The following LGR5 variants were observed in gnomAD, a reference collection of about 807,000 sequenced individuals.
The protein encoded by LGR5 is leucine rich repeat containing G protein-coupled receptor 5, also known as leucine-rich repeat-containing G protein-coupled receptor 5.
LGR5 carries 54 observed loss-of-function variants against 76.7 expected under a neutral mutation model. The ratio of observed to expected loss-of-function variants is 0.70; its 90% CI spans 0.57 to 0.88. LGR5 has a LOEUF of 0.88. Among genes scored for constraint, LGR5 ranks in the 40% least tolerant of loss-of-function variants. The pLI is 0.00. For missense variants in LGR5, 1,078 were observed against 1,073.3 expected (o/e 1.00, Z -0.06); for synonymous variants, 406 against 421.9 (o/e 0.96, Z 0.46).
At chr12:71,583,460 C>A in intron 17 of LGR5, 187 bp from the exon 18 acceptor site, 1 of 642,860 alleles carries the variant, frequency 1.6e-6, no homozygotes, top group Non-Finnish European at 2.7e-6. Context: ...CTCACCCAGC[C>A]AGTGCTGCAG....
chr12:71,584,907 T>C lies in LGR5; in HGVS notation c.*173T>C. 3 of 631,310 alleles carry C rather than the reference T, an allele frequency of 4.8e-6. No individual in the cohort carries two copies. Among genetic ancestry groups the C allele is most frequent in the Non-Finnish European group, 8.2e-6 (3 of 367,462 alleles). The allele number at this position is 631,310 out of a possible 1,614,324, so 39.1% of individuals were successfully genotyped here. A position where few individuals can be genotyped will look rare whatever the true frequency, so the allele number is the denominator to read the frequency against. On this transcript the variant is annotated 3_prime_UTR_variant, in exon 18 of 18. Coordinates refer to ENST00000266674, the MANE Select transcript of LGR5 (RefSeq NM_003667.4). ...AAACCTCTTGATACTTGAGAGTGAA[T>C]ATAAGTCTAAATGCTGCTTTGTATA... is the stretch of plus-strand genomic sequence containing the variant.
chr12:71,584,644 T>C lies in LGR5; in HGVS notation c.2634T>C (p.Tyr878=), dbSNP rs2137488031. The change falls in exon 18 of 18, where the codon TAT becomes TAC. Residue 878 remains tyrosine, a synonymous_variant. Coordinates refer to ENST00000266674, the MANE Select transcript of LGR5 (RefSeq NM_003667.4). ...LVTFTSSSIT[Y]DLPPSSVPSP... ...CCTTTACCAGCTCCAGCATCACTTA[T>C]GACCTGCCTCCCAGTTCCGTGCCAT... The C allele has an allele frequency of 6.2e-7, 1 of 1,614,222 alleles. No individual in the cohort carries two copies. Among genetic ancestry groups the C allele is most frequent in the Non-Finnish European group, 8.5e-7 (1 of 1,180,036 alleles).
At chr12:71,540,421 A>G (rs919324811) in intron 4 of LGR5, among the ~76,000 whole-genome samples, 4 of 152,238 alleles carry the variant, frequency 2.6e-5, no homozygotes, top group Non-Finnish European at 5.9e-5. Flanking sequence ...TCTATTCTCC[A>G]ATTAACTAAT....
intron 1 of LGR5, among the ~76,000 whole-genome samples, chr12:71,500,362 G>A (rs531033445): frequency 1.5e-3 from 235 of 152,110 alleles, no homozygotes; most frequent in African/African-American, 4.8e-3. Context: ...CTGAACATTC[G>A]AGTCACCTGA....
intron 13 of LGR5, among the ~76,000 whole-genome samples, chr12:71,574,459 C>G (rs1878761389): frequency 6.6e-6 from 1 of 152,088 alleles, no homozygotes; most frequent in African/African-American, 2.4e-5. Context: ...AATTCATCCT[C>G]TCCACTCCTC....
chr12:71,560,742 G>A (rs1193559174), intron 7 of LGR5, among the ~76,000 whole-genome samples: 4 of 152,154 alleles, frequency 2.6e-5, no homozygotes, highest in African/African-American at 4.8e-5. Flanking sequence ...GCAGTGAGCC[G>A]AGATTGCACC....
intron 1 of LGR5, 62 bp from the exon 2 acceptor site, chr12:71,504,552 C>G: frequency 7.8e-7 from 1 of 1,275,784 alleles, no homozygotes; most frequent in Non-Finnish European, 1.1e-6. Context: ...GTGAATTGAA[C>G]AGCTGGATTT....
intron 5 of LGR5, 52 bp from the exon 6 acceptor site, chr12:71,556,567 A>C (rs1287484530): frequency 3.6e-6 from 4 of 1,113,648 alleles, no homozygotes; most frequent in Non-Finnish European, 5.5e-6. Context: ...CAAAATGTTA[A>C]GTGTGGTCTG....
intron 8 of LGR5, 23 bp downstream of exon 8, chr12:71,561,875 G>A (rs368866790): frequency 3.6e-5 from 51 of 1,404,864 alleles, no homozygotes; most frequent in South Asian, 3.1e-4. Context: ...AATGCTTTTC[G>A]GTTTCTCCAT....
intron 1 of LGR5, among the ~76,000 whole-genome samples, chr12:71,479,704 C>T (rs1025489189): frequency 3.9e-5 from 6 of 151,994 alleles, no homozygotes; most frequent in South Asian, 4.1e-4. Context: ...TTGGAAGGGA[C>T]GGTGGGGTGC....
At chr12:71,481,260 T>C (rs12816456) in intron 1 of LGR5, among the ~76,000 whole-genome samples, 13,466 of 150,090 alleles carry the variant, frequency 0.09, 643 homozygotes, top group Non-Finnish European at 0.11. Context: ...CCCAACCCCC[T>C]GACAGGCCCC....
At chr12:71,492,003 T>C (rs957138757) in intron 1 of LGR5, among the ~76,000 whole-genome samples, 1 of 151,956 alleles carries the variant, frequency 6.6e-6, no homozygotes, top group Non-Finnish European at 1.5e-5. Context: ...TCCTCTACAA[T>C]TGGTGAAAGT....
chr12:71,571,341 C>A, intron 11 of LGR5, 173 bp from the exon 12 acceptor site: 1 of 479,936 alleles, frequency 2.1e-6, no homozygotes, highest in Non-Finnish European at 3.7e-6. Context: ...ACATTTGAAT[C>A]TACTGGTTAA....
In LGR5 at chr12:71,524,465, G is replaced by A; in HGVS notation, c.344G>A (p.Ser115Asn). Residue 115 changes from serine to asparagine, a missense_variant, in exon 3 of 18, where the codon AGT becomes AAT. Ser to Asn is a conservative substitution (Grantham distance 46). Transcript: ENST00000266674. ...IPKGAFTGLYSLKVLMLQNNQ... is the reference protein window; with the variant it reads ...IPKGAFTGLYNLKVLMLQNNQ... ...AAGGGAGCATTCACTGGCCTTTACA[G>A]TCTTAAAGTTCTGTAAGTAAACTGA... The A allele has an allele frequency of 6.2e-7, 1 of 1,610,656 alleles. No homozygotes were observed. The highest frequency in any genetic ancestry group is 1.1e-5 in the South Asian group (1 of 90,950).
intron 1 of LGR5, among the ~76,000 whole-genome samples, chr12:71,490,715 G>A (rs1201907038): frequency 4.6e-5 from 7 of 152,036 alleles, no homozygotes; most frequent in South Asian, 4.2e-4. Context: ...GCAATCAGTC[G>A]CTTTCTTTCC....
intron 2 of LGR5, among the ~76,000 whole-genome samples, chr12:71,513,974 G>A (rs904232423): frequency 6.6e-6 from 1 of 152,062 alleles, no homozygotes; most frequent in African/African-American, 2.4e-5. Flanking sequence ...TCTATAATCA[G>A]ACTACTTATA....
intron 4 of LGR5, among the ~76,000 whole-genome samples, chr12:71,543,065 A>G (rs183150862): frequency 6.6e-6 from 1 of 152,222 alleles, no homozygotes; most frequent in African/African-American, 2.4e-5. Context: ...GCACTAGGAC[A>G]TACGTATCAG....
chr12:71,526,121 G>T (rs1004966623), intron 3 of LGR5, among the ~76,000 whole-genome samples: 9 of 152,040 alleles, frequency 5.9e-5, no homozygotes, highest in African/African-American at 2.2e-4. Context: ...AATGATTCAG[G>T]CTGATGATCT....
chr12:71,542,580 G>A (rs1486296467), intron 4 of LGR5, among the ~76,000 whole-genome samples: 1 of 152,174 alleles, frequency 6.6e-6, no homozygotes, highest in Admixed American at 6.5e-5. Flanking sequence ...ATGAAGAAAG[G>A]GAGATGGATT....
Sources: gnomAD v4.1 joint callset for allele counts (sites outside exome capture counted in the v4.1 genomes callset) on GRCh38, gnomAD v4.1.1 for gene constraint, MANE v1.5 for transcripts, NCBI Gene and HGNC (gene_info 2026-07-23, HGNC 2026-07-21) for gene names.